The following ZNF573 variants were observed in gnomAD, a reference collection of about 807,000 sequenced individuals.
ZNF573 encodes the protein zinc finger protein 573.
ZNF573 carries 41 observed loss-of-function variants against 57.4 expected under a neutral mutation model. That is an observed-to-expected ratio of 0.71 (90% CI 0.56 to 0.93). ZNF573 has a LOEUF of 0.93. Ranked by LOEUF, ZNF573 falls within the 40% of genes least tolerant of loss-of-function variation. The pLI is 0.00. For synonymous variants in ZNF573, 249 were observed against 261.0 expected (o/e 0.95, Z 0.44); for missense variants, 730 against 794.8 (o/e 0.92, Z 0.98).
chr19:37,743,732 C>T (rs1429822687), intron 4 of ZNF573, among the ~76,000 whole-genome samples: 1 of 152,078 alleles, frequency 6.6e-6, no homozygotes, highest in Non-Finnish European at 1.5e-5. Context: ...AGACTTGGAG[C>T]CAACCCAAAT....
chr19:37,772,968 A>G (rs2045673270), intron 2 of ZNF573: 1 of 985,098 alleles, frequency 1.0e-6, no homozygotes, highest in Admixed American at 6.2e-5. Context: ...AGAACTTCAA[A>G]GGTCTTCCCC....
intron 4 of ZNF573, among the ~76,000 whole-genome samples, chr19:37,743,005 G>A (rs1039580896): frequency 6.6e-6 from 1 of 152,134 alleles, no homozygotes; most frequent in African/African-American, 2.4e-5. Flanking sequence ...AAGTGGGCAA[G>A]GGATATGAAC....
At chr19:37,752,863 G>A (rs2045451660) in intron 4 of ZNF573, among the ~76,000 whole-genome samples, 1 of 152,092 alleles carries the variant, frequency 6.6e-6, no homozygotes, top group Admixed American at 6.6e-5. Context: ...TCAAACCCCT[G>A]GGCTCAAGCA....
Position 37,773,701 on chromosome 19 carries a change from A to G in ZNF573, c.29T>C (p.Val10Ala). 2 of 1,535,872 alleles carry G rather than the reference A, an allele frequency of 1.3e-6. No homozygotes were observed. The highest frequency in any genetic ancestry group is 1.7e-6 in the Non-Finnish European group (2 of 1,146,752). Reference protein sequence around the residue: MFPVLEPHQVGLIRSYNSKT... With the variant: MFPVLEPHQAGLIRSYNSKT... ...AGAATTGTAAGACCTGATCAGTCCTACTTGGTGGGGTTCCAATACTGGAAA... is the reference window on the plus strand; with the variant it reads ...AGAATTGTAAGACCTGATCAGTCCTGCTTGGTGGGGTTCCAATACTGGAAA... Residue 10 changes from valine to alanine, a missense_variant, in exon 2 of 5, where the codon GTA (valine) becomes GCA (alanine). Physicochemically the swap from Val to Ala is moderately conservative, Grantham distance 64 (BLOSUM62 0). Transcript: ENST00000536220.
intron 1 of ZNF573, among the ~76,000 whole-genome samples, chr19:37,778,736 A>G (rs1012868537): frequency 2.0e-5 from 3 of 152,004 alleles, no homozygotes; most frequent in African/African-American, 7.2e-5. Flanking sequence ...AGGGAGGGAG[A>G]AAAAAATCAT....
intron 4 of ZNF573, among the ~76,000 whole-genome samples, chr19:37,749,634 A>T (rs1453722336): frequency 6.6e-6 from 1 of 152,182 alleles, no homozygotes; most frequent in Non-Finnish European, 1.5e-5. Flanking sequence ...CAGTAATTTT[A>T]AAAAATGGAG....
intron 4 of ZNF573, among the ~76,000 whole-genome samples, chr19:37,758,064 G>C (rs184119797): frequency 2.5e-4 from 38 of 150,992 alleles, no homozygotes; most frequent in Middle Eastern, 3.4e-3. Context: ...GTGGGGGTAG[G>C]GGGGAGGGAT....
chr19:37,779,101 C>G (rs998007363), intron 1 of ZNF573, among the ~76,000 whole-genome samples: 1 of 152,000 alleles, frequency 6.6e-6, no homozygotes, highest in Non-Finnish European at 1.5e-5. Flanking sequence ...AAGCAGCAGC[C>G]GGGAACCTAC....
intron 4 of ZNF573, among the ~76,000 whole-genome samples, chr19:37,758,762 G>A (rs749053329): frequency 6.6e-6 from 1 of 152,050 alleles, no homozygotes; most frequent in Non-Finnish European, 1.5e-5. Flanking sequence ...TAGATGAACA[G>A]AAATGTCTGG....
At chr19:37,768,340 T>C (rs1034793498) in intron 4 of ZNF573, among the ~76,000 whole-genome samples, 6 of 152,162 alleles carry the variant, frequency 3.9e-5, no homozygotes, top group African/African-American at 1.4e-4. Context: ...CTCGTCACTC[T>C]CCTCTTAGGA....
At chr19:37,745,161 G>GTATCACA (rs2045369044) in intron 4 of ZNF573, among the ~76,000 whole-genome samples, 3 of 151,484 alleles carry the variant, frequency 2.0e-5, no homozygotes, top group Admixed American at 6.6e-5. Context: ...TGCAACCTTT[G>GTATCACA]CCTCTCAGGT....
At chr19:37,773,360 C>T (rs1234439003) in intron 2 of ZNF573, among the ~76,000 whole-genome samples, 2 of 152,144 alleles carry the variant, frequency 1.3e-5, no homozygotes, top group African/African-American at 4.8e-5. Flanking sequence ...AAACTAAGGA[C>T]CTATAAAGGA....
intron 4 of ZNF573, 141 bp downstream of exon 4, chr19:37,769,864 T>C: frequency 1.5e-6 from 1 of 680,166 alleles, no homozygotes; most frequent in Non-Finnish European, 2.6e-6. Flanking sequence ...GCTACGATCT[T>C]TATTCCCAAC....
At chr19:37,743,332 A>AG (rs1179855771) in intron 4 of ZNF573, among the ~76,000 whole-genome samples, 3 of 151,362 alleles carry the variant, frequency 2.0e-5, no homozygotes, top group Admixed American at 1.3e-4. Flanking sequence ...AAAAAAAAAA[A>AG]AAAAAGAAGA....
At position 37,738,834 on chromosome 19, in the gene ZNF573, T is replaced by C. The variant is rs1362509512; in HGVS notation, c.1656A>G (p.Lys552=). 8.7e-6 allele frequency: 14 copies of C among 1,613,332 alleles called. No homozygotes were observed. The highest frequency in any genetic ancestry group is 1.2e-5 in the Non-Finnish European group (14 of 1,179,850). Residue 552 remains lysine, a synonymous_variant, in exon 5 of 5, where the codon AAA becomes AAG. Transcript: ENST00000536220. Reference sequence around the variant, plus strand: ...TCCCACATTCCTTACATTCAAAAGGTTTCTCATCAGTATGAATACTTTGAT... The same window carrying C: ...TCCCACATTCCTTACATTCAAAAGGCTTCTCATCAGTATGAATACTTTGAT... The part of the protein sequence containing the change: ...TLHQSIHTDE[K]PFECKECGKT...
At chr19:37,742,061 A>T (rs1179909387) in intron 4 of ZNF573, among the ~76,000 whole-genome samples, 1 of 152,150 alleles carries the variant, frequency 6.6e-6, no homozygotes. Context: ...ATCATGAATG[A>T]ACTCCCATTC....
chr19:37,743,773 T>C (rs2045350575), intron 4 of ZNF573, among the ~76,000 whole-genome samples: 2 of 152,062 alleles, frequency 1.3e-5, no homozygotes. Context: ...ATAAAGAAAA[T>C]GTGGTACATA....
intron 4 of ZNF573, among the ~76,000 whole-genome samples, chr19:37,747,703 C>T (rs373977850): frequency 6.6e-6 from 1 of 151,972 alleles, no homozygotes; most frequent in Non-Finnish European, 1.5e-5. Flanking sequence ...ACCTCTCTTA[C>T]AGTCTTTCTT....
intron 1 of ZNF573, among the ~76,000 whole-genome samples, chr19:37,776,757 G>C (rs558163312): frequency 6.6e-6 from 1 of 152,108 alleles, no homozygotes; most frequent in Admixed American, 6.6e-5. Context: ...CTGACATCCA[G>C]AATCTACAAG....
Sources: gnomAD v4.1 joint callset for allele counts (sites outside exome capture counted in the v4.1 genomes callset) on GRCh38, gnomAD v4.1.1 for gene constraint, MANE v1.5 for transcripts, NCBI Gene and HGNC (gene_info 2026-07-23, HGNC 2026-07-21) for gene names.